The following ADCY8 variants were observed in gnomAD, a reference collection of about 807,000 sequenced individuals.
The protein encoded by ADCY8 is adenylate cyclase type 8.
In ADCY8, 51 loss-of-function variants were observed where a neutral mutation model predicts 119.7. The observed-to-expected ratio is 0.43, with a 90% CI of 0.34 to 0.54. The LOEUF (loss-of-function observed/expected upper bound fraction) is 0.54. Ranked by LOEUF, ADCY8 falls within the 20% of genes least tolerant of loss-of-function variation. The pLI is 0.03. For synonymous variants in ADCY8, 665 were observed against 651.0 expected (o/e 1.02, Z -0.33); for missense variants, 1,383 against 1,598.8 (o/e 0.87, Z 2.30).
Position 130,931,556 on chromosome 8 carries a change from C to T in ADCY8, c.1481+5517G>A, listed in dbSNP as rs897764916. ...TCTACCCCTTTATCTTATTTTTCTCCTTCTAAAGCCCCCATGACTTGAATA... is the reference window on the plus strand; with the variant it reads ...TCTACCCCTTTATCTTATTTTTCTCTTTCTAAAGCCCCCATGACTTGAATA... On this transcript the variant is annotated intron_variant, in intron 5 of 17. Coordinates refer to ENST00000286355, the MANE Select transcript of ADCY8 (RefSeq NM_001115.3). Among the ~76,000 whole-genome samples the T allele has an allele frequency of 3.9e-5, 6 of 152,148 alleles. No individual in the cohort carries two copies. The South Asian group carries it at 8.3e-4, about 21-fold the overall frequency.
intron 4 of ADCY8, among the ~76,000 whole-genome samples, chr8:130,941,574 T>C (rs1169313956): frequency 1.3e-5 from 2 of 152,168 alleles, no homozygotes; most frequent in Non-Finnish European, 2.9e-5. Flanking sequence ...GGAAATGGTA[T>C]ACATGTTTTC....
At chr8:131,020,284 G>T (rs961993271) in intron 1 of ADCY8, among the ~76,000 whole-genome samples, 1 of 152,162 alleles carries the variant, frequency 6.6e-6, no homozygotes, top group African/African-American at 2.4e-5. Context: ...GGGGGCAAAA[G>T]TGGATGTAGT....
At chr8:130,985,481 G>A (rs1822375447) in intron 2 of ADCY8, among the ~76,000 whole-genome samples, 1 of 152,184 alleles carries the variant, frequency 6.6e-6, no homozygotes, top group African/African-American at 2.4e-5. Context: ...AACATGATGG[G>A]TGGTCAGTGG....
chr8:130,957,925 C>T (rs182808318), intron 2 of ADCY8, among the ~76,000 whole-genome samples: 128 of 152,300 alleles, frequency 8.4e-4, no homozygotes, highest in African/African-American at 3.0e-3. Flanking sequence ...AAGTTTGTTA[C>T]AGGGATGGGA....
intron 5 of ADCY8, among the ~76,000 whole-genome samples, chr8:130,927,920 A>G (rs77504877): frequency 0.015 from 2,271 of 152,234 alleles, 43 homozygotes; most frequent in African/African-American, 0.053. Flanking sequence ...TATTGTTTAA[A>G]AAATTTGTTT....
chr8:130,984,249 GCTC>G (rs1822328392), intron 2 of ADCY8, among the ~76,000 whole-genome samples: 1 of 152,168 alleles, frequency 6.6e-6, no homozygotes, highest in Non-Finnish European at 1.5e-5. Context: ...GCATGAGTGG[GCTC>G]CCTGTGGGGT....
intron 11 of ADCY8, among the ~76,000 whole-genome samples, chr8:130,837,588 G>T (rs963529735): frequency 6.6e-6 from 1 of 152,174 alleles, no homozygotes; most frequent in African/African-American, 2.4e-5. Context: ...GTAGCCCTTA[G>T]GTGTCAGTCT....
At chr8:130,880,060 C>G (rs1479365263) in intron 8 of ADCY8, among the ~76,000 whole-genome samples, 2 of 152,174 alleles carry the variant, frequency 1.3e-5, no homozygotes, top group African/African-American at 4.8e-5. Flanking sequence ...TCTTTGCCTG[C>G]TGCCAGCCAC....
chr8:130,896,298 G>A (rs1819385536), intron 7 of ADCY8, among the ~76,000 whole-genome samples: 1 of 152,136 alleles, frequency 6.6e-6, no homozygotes, highest in African/African-American at 2.4e-5. Context: ...GCAAATTGTA[G>A]TTTCTCAGTA....
At chr8:130,925,987 C>T (rs1820454679) in intron 5 of ADCY8, among the ~76,000 whole-genome samples, 2 of 152,204 alleles carry the variant, frequency 1.3e-5, no homozygotes, top group African/African-American at 4.8e-5. Flanking sequence ...ATCTTCCTGA[C>T]ATCCAGATCT....
At chr8:130,919,303 GCA>G (rs150748885) in intron 5 of ADCY8, among the ~76,000 whole-genome samples, 10 of 149,800 alleles carry the variant, frequency 6.7e-5, no homozygotes, top group South Asian at 2.1e-4. Flanking sequence ...ACTCACACTC[GCA>G]CACACACACA....
intron 2 of ADCY8, among the ~76,000 whole-genome samples, chr8:130,960,729 G>A (rs1454681231): frequency 6.6e-6 from 1 of 152,030 alleles, no homozygotes; most frequent in African/African-American, 2.4e-5. Context: ...GAAAATTCAA[G>A]CAGGGGAAAG....
At chr8:130,831,110 T>C (rs983155931) in intron 12 of ADCY8, among the ~76,000 whole-genome samples, 3 of 152,150 alleles carry the variant, frequency 2.0e-5, no homozygotes, top group Non-Finnish European at 4.4e-5. Flanking sequence ...ATTGTGCTTA[T>C]AGGTTGAGGA....
At chr8:130,810,384 A>ACACG (rs1586436016) in intron 14 of ADCY8, among the ~76,000 whole-genome samples, 1 of 144,918 alleles carries the variant, frequency 6.9e-6, no homozygotes, top group African/African-American at 2.6e-5. Flanking sequence ...ACACACACAC[A>ACACG]CACTAGTCTT....
intron 1 of ADCY8, among the ~76,000 whole-genome samples, chr8:131,025,710 T>C (rs1256458243): frequency 6.6e-6 from 1 of 152,180 alleles, no homozygotes; most frequent in Non-Finnish European, 1.5e-5. Flanking sequence ...TAGAAATGAG[T>C]GCAAGCTGAA....
intron 15 of ADCY8, among the ~76,000 whole-genome samples, chr8:130,787,579 G>A (rs1339052995): frequency 6.6e-6 from 1 of 152,076 alleles, no homozygotes; most frequent in Non-Finnish European, 1.5e-5. Flanking sequence ...TTGTAGTGAT[G>A]TGTGTATGTC....
At chr8:130,886,295 T>A (rs564450406) in intron 7 of ADCY8, among the ~76,000 whole-genome samples, 2 of 152,148 alleles carry the variant, frequency 1.3e-5, no homozygotes, top group South Asian at 2.1e-4. Flanking sequence ...AAGCATGTAA[T>A]TTCAGCTCTG....
In ADCY8 at chr8:130,780,682, A is replaced by C; in HGVS notation, c.3464T>G (p.Val1155Gly). 6.2e-7 allele frequency: 1 copy of C among 1,614,154 alleles called. No homozygotes were observed. The highest frequency in any genetic ancestry group is 8.5e-7 in the Non-Finnish European group (1 of 1,180,006). The change falls in exon 18 of 18, where the codon GTG becomes GGG. Residue 1155 changes from valine to glycine, a missense_variant. Physicochemically the swap from Val to Gly is moderately radical, Grantham distance 109. Coordinates refer to ENST00000286355, the MANE Select transcript of ADCY8 (RefSeq NM_001115.3). ...TCCTTCCTGTTCACTGATACCCTTC[A>C]CATAGATCTCCCCTCGGTAATCAAA... is the stretch of plus-strand genomic sequence containing the variant. ...FAFDYRGEIY[V>G]KGISEQEGKI...
intron 1 of ADCY8, among the ~76,000 whole-genome samples, chr8:131,036,997 A>G: frequency 6.6e-6 from 1 of 152,196 alleles, no homozygotes; most frequent in Non-Finnish European, 1.5e-5. Context: ...AAAACTAAAT[A>G]GTACCTATTC....
Sources: gnomAD v4.1 joint callset for allele counts (sites outside exome capture counted in the v4.1 genomes callset) on GRCh38, gnomAD v4.1.1 for gene constraint, MANE v1.5 for transcripts, NCBI Gene and HGNC (gene_info 2026-07-23, HGNC 2026-07-21) for gene names.